The following FER variants were observed in gnomAD, a reference collection of about 807,000 sequenced individuals.
FER encodes FER tyrosine kinase.
Under a neutral mutation model 111.0 loss-of-function variants are expected in FER, and 63 were observed. That is an observed-to-expected ratio of 0.57 (90% CI 0.46 to 0.70). The LOEUF (loss-of-function observed/expected upper bound fraction) is 0.70, where lower values mean the gene tolerates loss of function less well. FER is among the 30% of genes least tolerant of loss of function. The pLI, the probability that FER is intolerant of heterozygous loss-of-function variation, is 0.00. For missense variants in FER, 914 were observed against 954.0 expected (o/e 0.96, Z 0.55); for synonymous variants, 327 against 313.9 (o/e 1.04, Z -0.44).
intron 15 of FER, 119 bp downstream of exon 15, chr5:109,044,914 G>C: frequency 1.9e-6 from 1 of 535,422 alleles, no homozygotes; most frequent in Non-Finnish European, 3.2e-6. Flanking sequence ...CACTTTTACA[G>C]TATGGAATCC....
intron 18 of FER, among the ~76,000 whole-genome samples, chr5:109,183,621 A>G (rs184702132): frequency 9.2e-5 from 14 of 152,152 alleles, no homozygotes; most frequent in African/African-American, 3.4e-4. Flanking sequence ...TAGGTGAAAC[A>G]CTCAAATCTC....
chr5:109,177,325 A>C (rs1308146272), intron 17 of FER, among the ~76,000 whole-genome samples: 2 of 152,110 alleles, frequency 1.3e-5, no homozygotes, highest in Non-Finnish European at 1.5e-5. Flanking sequence ...CAGAATCAGG[A>C]AACTCCAGGG....
chr5:108,969,664 T>C (rs1760373259), intron 13 of FER, among the ~76,000 whole-genome samples: 1 of 146,918 alleles, frequency 6.8e-6, no homozygotes, highest in South Asian at 2.1e-4. Context: ...TTAAGAAATA[T>C]TGAAAACATG....
chr5:109,012,122 T>G lies in FER; in HGVS notation c.1657-25300T>G, dbSNP rs1581643112. Reference sequence around the variant, plus strand: ...TGCTCCGCACTTAGTTCTTTCCTTATTTTTACTTATTGTGAAGAGGTGTTT... The same window carrying G: ...TGCTCCGCACTTAGTTCTTTCCTTAGTTTTACTTATTGTGAAGAGGTGTTT... On this transcript the variant is annotated intron_variant, in intron 13 of 19. Coordinates refer to ENST00000281092, the MANE Select transcript of FER (RefSeq NM_005246.4). Among the ~76,000 whole-genome samples, 3 of 152,366 alleles carry G rather than the reference T, an allele frequency of 2.0e-5. No individual in the cohort carries two copies. The South Asian group carries it at 6.2e-4, about 32-fold the overall frequency.
chr5:108,914,107 T>G lies in FER; in HGVS notation c.1236+16259T>G, dbSNP rs535540337. Among the ~76,000 whole-genome samples the G allele has an allele frequency of 5.3e-5, 8 of 152,306 alleles. No individual in the cohort carries two copies. In the East Asian group the frequency reaches 1.5e-3, roughly 29 times the overall value. Reference sequence around the variant, plus strand: ...GACTTTTTCAATCTGCAAAAATTTATAACCTGCACACTTTTGATTTGTAAA... The same window carrying G: ...GACTTTTTCAATCTGCAAAAATTTAGAACCTGCACACTTTTGATTTGTAAA... On this transcript the variant is annotated intron_variant, in intron 10 of 19. Transcript: ENST00000281092.
chr5:109,082,799 T>C (rs1777142262), intron 16 of FER, among the ~76,000 whole-genome samples: 6 of 152,150 alleles, frequency 3.9e-5, no homozygotes, highest in Admixed American at 3.9e-4. Context: ...CCTTGAAATG[T>C]CATCCATCCT....
chr5:109,129,722 A>G (rs148661025), intron 17 of FER, among the ~76,000 whole-genome samples: 1 of 152,220 alleles, frequency 6.6e-6, no homozygotes, highest in East Asian at 1.9e-4. Flanking sequence ...ATAAATTGGT[A>G]CAAGGTTTTC....
intron 10 of FER, among the ~76,000 whole-genome samples, chr5:108,904,996 A>C (rs1750551750): frequency 6.6e-6 from 1 of 152,100 alleles, no homozygotes; most frequent in South Asian, 2.1e-4. Flanking sequence ...TGATATATAA[A>C]TTTCTAACTT....
At chr5:109,010,379 G>C (rs1235117948) in intron 13 of FER, among the ~76,000 whole-genome samples, 5 of 151,950 alleles carry the variant, frequency 3.3e-5, no homozygotes. Context: ...GGATGGTGTC[G>C]ATCTCCTGAC....
chr5:108,822,769 TTTATTTTATG>T (rs1255013066), intron 3 of FER, among the ~76,000 whole-genome samples: 9 of 101,756 alleles, frequency 8.8e-5, no homozygotes, highest in African/African-American at 1.5e-4. Flanking sequence ...TTTTATTTAT[TTTATTTTATG>T]TTATTTTATG....
chr5:109,160,554 C>T lies in FER; in HGVS notation c.2049-20193C>T, dbSNP rs117957010. ...ATTCATTCTTAGAGCTATTAAATTTCGGTTCTCTGTGCTAAATAAATTCAT... is the reference window on the plus strand; with the variant it reads ...ATTCATTCTTAGAGCTATTAAATTTTGGTTCTCTGTGCTAAATAAATTCAT... On this transcript the variant is annotated intron_variant, in intron 17 of 19. Transcript: ENST00000281092. 6.2e-3 allele frequency among the ~76,000 whole-genome samples: 942 copies of T among 152,248 alleles called. 5 individuals carry two copies. Among genetic ancestry groups the T allele is most frequent in the Non-Finnish European group, 9.5e-3 (643 of 67,998 alleles).
chr5:108,946,407 A>G (rs1303525575), intron 11 of FER, among the ~76,000 whole-genome samples, 185 bp downstream of exon 11: 2 of 151,848 alleles, frequency 1.3e-5, no homozygotes, highest in African/African-American at 4.8e-5. Flanking sequence ...GAATCTGTCT[A>G]TATATGTGTA....
rs151250984 is a variant in FER at position 108,929,858 on chromosome 5, C to T, written c.1237-16272C>T. Among the ~76,000 whole-genome samples, 20 of 152,230 alleles carry T rather than the reference C, an allele frequency of 1.3e-4. 1 individual carries two copies. The East Asian group carries it at 3.7e-3, about 28-fold the overall frequency. On this transcript the variant is annotated intron_variant, in intron 10 of 19. Coordinates refer to ENST00000281092, the MANE Select transcript of FER (RefSeq NM_005246.4). The stretch of plus-strand genomic sequence containing the variant: ...TTGAGTCATCAAGAGAAAGTCAAAC[C>T]ATGTACATTTTGAACTGTTTGAAAA...
At chr5:109,095,209 T>C (rs556333648) in intron 16 of FER, among the ~76,000 whole-genome samples, 2 of 152,228 alleles carry the variant, frequency 1.3e-5, no homozygotes, top group East Asian at 3.9e-4. Context: ...CTGCATTTGG[T>C]CTAGCTGAAG....
At chr5:108,793,044 T>C (rs889616360) in intron 2 of FER, among the ~76,000 whole-genome samples, 3 of 152,194 alleles carry the variant, frequency 2.0e-5, no homozygotes, top group Non-Finnish European at 4.4e-5. Flanking sequence ...GCTTTAGTTA[T>C]TTGATAATGT....
In FER at chr5:109,015,752, C is replaced by G. The variant is rs963651887; in HGVS notation, c.1657-21670C>G. Among the ~76,000 whole-genome samples the G allele has an allele frequency of 4.6e-5, 7 of 152,086 alleles. No homozygotes were observed. The South Asian group carries it at 1.2e-3, about 27-fold the overall frequency. ...TATTTTAAAGCAGAAATATGATTTT[C>G]TTAGTGTAAATTAAGCCTTTTTTCA... is the stretch of plus-strand genomic sequence containing the variant. On this transcript the variant is annotated intron_variant, in intron 13 of 19. Transcript: ENST00000281092.
At chr5:108,841,306 C>T (rs563207922) in intron 5 of FER, among the ~76,000 whole-genome samples, 1 of 152,258 alleles carries the variant, frequency 6.6e-6, no homozygotes, top group East Asian at 1.9e-4. Context: ...ACAGATTTTA[C>T]CTTCCTATTG....
chr5:109,162,701 G>A (rs1404567858), intron 17 of FER, among the ~76,000 whole-genome samples: 1 of 152,072 alleles, frequency 6.6e-6, no homozygotes, highest in Non-Finnish European at 1.5e-5. Flanking sequence ...GAAATCCACA[G>A]TAACATGCCA....
At chr5:108,889,270 G>A (rs1188017472) in intron 9 of FER, among the ~76,000 whole-genome samples, 1 of 151,874 alleles carries the variant, frequency 6.6e-6, no homozygotes, top group Non-Finnish European at 1.5e-5. Flanking sequence ...CATGTTTATT[G>A]CAGCACTATT....
Sources: allele counts gnomAD v4.1 joint callset (sites outside exome capture counted in the v4.1 genomes callset), GRCh38; gene constraint gnomAD v4.1.1; transcripts MANE v1.5; gene names NCBI Gene and HGNC (gene_info 2026-07-23, HGNC 2026-07-21).